SDK1: variants seen among roughly 807,000 people sequenced by gnomAD.
SDK1 encodes the protein protein sidekick-1.
Under a neutral mutation model 245.5 loss-of-function variants are expected in SDK1, and 157 were observed. The observed-to-expected ratio is 0.64, with a 90% confidence interval of 0.56 to 0.73. SDK1 has a LOEUF of 0.73. Ranked by LOEUF, SDK1 falls within the 30% of genes least tolerant of loss-of-function variation. The pLI is 0.00. For missense variants in SDK1, 3,583 were observed against 3,002.3 expected (o/e 1.19, Z -4.52); for synonymous variants, 1,647 against 1,278.5 (o/e 1.29, Z -6.15).
Position 3,987,244 on chromosome 7 carries a change from G to GCCGT in SDK1, c.2054_2057dup (p.Val687ArgfsTer10). 1 of 1,613,986 alleles carries GCCGT rather than the reference G, an allele frequency of 6.2e-7. No individual in the cohort carries two copies. Among genetic ancestry groups the GCCGT allele is most frequent in the Non-Finnish European group, 8.5e-7 (1 of 1,179,944 alleles). On this transcript the variant is annotated frameshift_variant, in exon 14 of 45. Coordinates refer to ENST00000404826, the MANE Select transcript of SDK1 (RefSeq NM_152744.4). LOFTEE classifies it high-confidence loss of function. ...CAGCCCTAATTCTTCCCACAGCCAC[G>GCCGT]CCGTGGTGCTCTCTTGGGTCCGGCC...
At chr7:3,591,876 A>C (rs1397347846) in intron 1 of SDK1, among the ~76,000 whole-genome samples, 1 of 152,194 alleles carries the variant, frequency 6.6e-6, no homozygotes, top group Non-Finnish European at 1.5e-5. Context: ...TAAGGATCAG[A>C]TACAGGGAAC....
At chr7:3,587,174 A>G (rs1270832286) in intron 1 of SDK1, among the ~76,000 whole-genome samples, 1 of 152,204 alleles carries the variant, frequency 6.6e-6, no homozygotes, top group Non-Finnish European at 1.5e-5. Context: ...AAAGGAAAGA[A>G]CTAAGAATTT....
At chr7:3,783,813 T>C (rs1780821946) in intron 4 of SDK1, among the ~76,000 whole-genome samples, 1 of 152,156 alleles carries the variant, frequency 6.6e-6, no homozygotes, top group African/African-American at 2.4e-5. Flanking sequence ...GCAGTTCTTA[T>C]CAAAACTACA....
Position 3,746,050 on chromosome 7 carries a change from TG to T in SDK1, c.714-75399del, listed in dbSNP as rs1779607912. The stretch of plus-strand genomic sequence containing the variant: ...AGTAAGAGTACCTACCTCACTGAGT[TG>T]AGAGGATTAAAGAATATAATACAGG... On this transcript the variant is annotated intron_variant, in intron 4 of 44. Transcript: ENST00000404826. Among the ~76,000 whole-genome samples the T allele has an allele frequency of 2.0e-5, 3 of 152,094 alleles. No individual in the cohort carries two copies. The South Asian group carries it at 6.2e-4, about 32-fold the overall frequency.
intron 1 of SDK1, among the ~76,000 whole-genome samples, chr7:3,340,417 TTGC>T (rs1292617016): frequency 4.6e-5 from 7 of 152,188 alleles, no homozygotes; most frequent in Admixed American, 2.6e-4. Flanking sequence ...GCTGATAGAC[TTGC>T]TGAAAGCAGC....
chr7:4,028,682 CTGGG>C (rs1235701059), intron 17 of SDK1, among the ~76,000 whole-genome samples: 2 of 152,234 alleles, frequency 1.3e-5, no homozygotes. Flanking sequence ...GGAGGACAGG[CTGGG>C]AAGGTCTCAT....
intron 5 of SDK1, among the ~76,000 whole-genome samples, chr7:3,835,491 AC>A (rs1206027691): frequency 6.6e-6 from 1 of 151,928 alleles, no homozygotes; most frequent in African/African-American, 2.4e-5. Context: ...AATTAAATTA[AC>A]CTGCCTCCGT....
intron 4 of SDK1, among the ~76,000 whole-genome samples, chr7:3,812,293 C>T (rs1456375342): frequency 6.6e-6 from 1 of 152,180 alleles, no homozygotes; most frequent in Non-Finnish European, 1.5e-5. Flanking sequence ...TAATTTAACA[C>T]ACATTTATCG....
chr7:3,740,255 C>T (rs1779440717), intron 4 of SDK1, among the ~76,000 whole-genome samples: 1 of 152,162 alleles, frequency 6.6e-6, no homozygotes, highest in African/African-American at 2.4e-5. Context: ...GAGCCTTTTC[C>T]AGTGCTTTTT....
At chr7:3,705,229 A>G (rs947090681) in intron 4 of SDK1, among the ~76,000 whole-genome samples, 2 of 151,828 alleles carry the variant, frequency 1.3e-5, no homozygotes, top group African/African-American at 2.4e-5. Flanking sequence ...GTTAAAAATG[A>G]TATAGGTATT....
intron 1 of SDK1, among the ~76,000 whole-genome samples, chr7:3,323,000 C>T (rs1235795919): frequency 6.6e-6 from 1 of 152,002 alleles, no homozygotes; most frequent in Non-Finnish European, 1.5e-5. Context: ...TTTTGTTTTG[C>T]CATGTTGCCG....
intron 15 of SDK1, 101 bp from the exon 16 acceptor site, chr7:4,011,994 A>C: frequency 9.3e-7 from 1 of 1,076,362 alleles, no homozygotes; most frequent in South Asian, 3.2e-5. Flanking sequence ...GATTTTTGTG[A>C]ATAGTCAGGC....
At chr7:4,136,264 C>T (rs1373463648) in intron 28 of SDK1, among the ~76,000 whole-genome samples, 1 of 152,186 alleles carries the variant, frequency 6.6e-6, no homozygotes, top group East Asian at 1.9e-4. Flanking sequence ...GTCATTACAG[C>T]CGGCACACCA....
intron 4 of SDK1, among the ~76,000 whole-genome samples, chr7:3,660,985 C>T (rs1444293701): frequency 6.6e-6 from 1 of 152,098 alleles, no homozygotes; most frequent in Non-Finnish European, 1.5e-5. Context: ...TGAGAATTAC[C>T]TCTGCTGAGT....
chr7:3,750,321 A>C (rs577216020), intron 4 of SDK1, among the ~76,000 whole-genome samples: 5 of 152,350 alleles, frequency 3.3e-5, no homozygotes, highest in African/African-American at 1.2e-4. Context: ...TAAACCATTT[A>C]ATTTCGAAGT....
At chr7:4,045,019 G>A (rs1465477869) in intron 17 of SDK1, among the ~76,000 whole-genome samples, 1 of 152,090 alleles carries the variant, frequency 6.6e-6, no homozygotes, top group African/African-American at 2.4e-5. Flanking sequence ...AATGGAGCAT[G>A]CAGTGTGCAG....
Position 3,572,330 on chromosome 7 carries a change from G to A in SDK1, c.299-46750G>A, listed in dbSNP as rs147286987. 7.2e-5 allele frequency among the ~76,000 whole-genome samples: 11 copies of A among 152,074 alleles called. No individual in the cohort carries two copies. In the East Asian group the frequency reaches 1.9e-3, roughly 27 times the overall value. ...ATTGATGGCAGTTCTAGGCAAAAAC[G>A]CCTCAGTGAAGATGGAGAGCCCATT... On this transcript the variant is annotated intron_variant, in intron 1 of 44. Coordinates refer to ENST00000404826, the MANE Select transcript of SDK1 (RefSeq NM_152744.4).
chr7:3,956,420 G>A (rs548703971), intron 7 of SDK1, among the ~76,000 whole-genome samples: 27 of 152,328 alleles, frequency 1.8e-4, no homozygotes, highest in African/African-American at 6.3e-4. Flanking sequence ...ATACTAGGAA[G>A]GGTTGGCAGG....
At chr7:3,820,880 G>C (rs745494765) in intron 4 of SDK1, among the ~76,000 whole-genome samples, 8 of 152,238 alleles carry the variant, frequency 5.3e-5, no homozygotes, top group Non-Finnish European at 1.0e-4. Context: ...GACATGGTGA[G>C]ATAGTACAGG....
Sources: gnomAD v4.1 joint callset for allele counts (sites outside exome capture counted in the v4.1 genomes callset) on GRCh38, gnomAD v4.1.1 for gene constraint, MANE v1.5 for transcripts, NCBI Gene and HGNC (gene_info 2026-07-23, HGNC 2026-07-21) for gene names.